The following BRPF1 variants were observed in gnomAD, a reference collection of about 807,000 sequenced individuals.
The protein encoded by BRPF1 is peregrin.
Under a neutral mutation model 115.0 loss-of-function variants are expected in BRPF1, and 15 were observed. The ratio of observed to expected loss-of-function variants is 0.13; its 90% CI spans 0.09 to 0.20. BRPF1 has a LOEUF of 0.20. Ranked by LOEUF, BRPF1 falls within the 10% of genes least tolerant of loss-of-function variation. The pLI, the probability that BRPF1 is intolerant of heterozygous loss-of-function variation, is 1.00. For synonymous variants in BRPF1, 647 were observed against 619.8 expected (o/e 1.04, Z -0.65); for missense variants, 1,118 against 1,638.3 (o/e 0.68, Z 5.48).
intron 6 of BRPF1, chr3:9,742,408 C>G: frequency 2.0e-6 from 2 of 985,382 alleles, no homozygotes; most frequent in Non-Finnish European, 2.4e-6. Flanking sequence ...CTGAGTCTGC[C>G]AAATGAATAA....
intron 6 of BRPF1, 141 bp downstream of exon 6, chr3:9,742,312 G>A (rs1411108359): frequency 2.0e-6 from 3 of 1,492,184 alleles, no homozygotes; most frequent in Non-Finnish European, 1.8e-6. Context: ...GGAGCCACAT[G>A]TATCACCTGG....
At chr3:9,737,787 G>T (rs1000135415) in intron 2 of BRPF1, among the ~76,000 whole-genome samples, 6 of 152,238 alleles carry the variant, frequency 3.9e-5, no homozygotes, top group African/African-American at 1.4e-4. Flanking sequence ...CCATGGGCCT[G>T]CTGGGGGTTG....
At chr3:9,737,704 C>T (rs1020623956) in intron 2 of BRPF1, among the ~76,000 whole-genome samples, 2 of 152,210 alleles carry the variant, frequency 1.3e-5, no homozygotes, top group African/African-American at 2.4e-5. Flanking sequence ...TACATATTTG[C>T]ACACGTCTGT....
At position 9,743,523 on chromosome 3, in the gene BRPF1, A is replaced by G. The variant is rs1575163423; in HGVS notation, c.2312-55A>G. The G allele has an allele frequency of 6.4e-7, 1 of 1,552,126 alleles. No individual in the cohort carries two copies. The highest frequency in any genetic ancestry group is 1.2e-5 in the South Asian group (1 of 82,764). ...GTTTCTTGCTGCCTGCCCAGGTTCA[A>G]GGGGCCCTGAGGGCTGCCCTGAGTC... On this transcript the variant is annotated intron_variant, in intron 7 of 13. Coordinates refer to ENST00000383829, the MANE Select transcript of BRPF1 (RefSeq NM_001003694.2). This position sits in a 1 kb window ranked among gnomAD's most constrained non-coding sequence, Gnocchi z 6.1.
chr3:9,742,604 G>A (rs558384921), intron 6 of BRPF1: 3 of 949,566 alleles, frequency 3.2e-6, no homozygotes, highest in African/African-American at 3.5e-5. Context: ...AAAAAGAGCT[G>A]TAGGAATGCA....
At position 9,743,390 on chromosome 3, in the gene BRPF1, TC is replaced by T. The variant is rs559832236; in HGVS notation, c.2311+141del. The stretch of plus-strand genomic sequence containing the variant: ...AGTGGCAAGCTATCCCCAGGAATGC[TC>T]CCCAAGAAGCCAGACTGGGTGAATG... On this transcript the variant is annotated intron_variant, in intron 7 of 13. Transcript: ENST00000383829. This position sits in a 1 kb window ranked among gnomAD's most constrained non-coding sequence, Gnocchi z 6.1. The T allele has an allele frequency of 1.9e-4, 247 of 1,302,856 alleles. 1 individual carries two copies. The African/African-American group carries it at 3.4e-3, about 18-fold the overall frequency. 80.7% of individuals were successfully genotyped at this position (1,302,856 alleles called of 1,614,324 possible).
rs951642357 is a variant in BRPF1, at chr3:9,731,973, G to T, written c.-176G>T. 9 of 152,368 alleles carry T rather than the reference G, an allele frequency of 5.9e-5. No homozygotes were observed. Among genetic ancestry groups the T allele is most frequent in the African/African-American group, 1.9e-4 (8 of 41,462 alleles). The allele number at this position is 152,368 out of a possible 1,614,324, so 9.4% of individuals were successfully genotyped here. ...CAGGGGTCAGCTCAGGAATCCCGGGGAGCCGGGACCAAAGCGTGGGGCGGC... is the reference window on the plus strand; with the variant it reads ...CAGGGGTCAGCTCAGGAATCCCGGGTAGCCGGGACCAAAGCGTGGGGCGGC... On this transcript the variant is annotated 5_prime_UTR_variant, in exon 1 of 14. Coordinates refer to ENST00000383829, the MANE Select transcript of BRPF1 (RefSeq NM_001003694.2).
intron 6 of BRPF1, 151 bp from the exon 7 acceptor site, chr3:9,742,793 T>C: frequency 1.1e-6 from 1 of 933,638 alleles, no homozygotes. Flanking sequence ...AGGACCAGAA[T>C]CCAGCTTTCC....
Position 9,743,851 on chromosome 3 carries a change from G to A in BRPF1, c.2585G>A (p.Gly862Glu), listed in dbSNP as rs1575164346. ...TPHPAACDKDGQTDSAAEESS... is the reference protein window; with the variant it reads ...TPHPAACDKDEQTDSAAEESS... ...CACCCGGCAGCCTGTGACAAGGATG[G>A]GCAGACAGATAGTGCGGCAGAGGAG... is the stretch of plus-strand genomic sequence containing the variant. The change falls in exon 8 of 14, where the codon GGG becomes GAG. Residue 862 changes from glycine to glutamate, a missense_variant. By Grantham distance (98) the Gly-to-Glu change is moderately conservative. Around this residue, in one of 10 missense-constraint regions of BRPF1, gnomAD observed 223 missense variants for 240.7 expected, o/e 0.93. Coordinates refer to ENST00000383829, the MANE Select transcript of BRPF1 (RefSeq NM_001003694.2). The surrounding 1 kb of genome is among the most constrained non-coding windows in gnomAD (Gnocchi z 6.1). The A allele has an allele frequency of 6.2e-7, 1 of 1,605,140 alleles. No individual in the cohort carries two copies. Among genetic ancestry groups the A allele is most frequent in the Non-Finnish European group, 8.5e-7 (1 of 1,173,222 alleles).
In BRPF1 at chr3:9,745,904, C is replaced by T. The variant is rs1057519513; in HGVS notation, c.3298C>T (p.Arg1100Ter). ...DALDLVWAKC[R>*]GYPSYPALII... ...TCTGGACCTCGTGTGGGCCAAATGC[C>T]GAGGCTATCCATCATACCCAGCTCT... is the stretch of plus-strand genomic sequence containing the variant. Residue 1100 changes from arginine (R) to a stop codon, truncating the protein, a stop_gained, in exon 12 of 14, where the codon CGA (arginine) becomes TGA (stop). Transcript: ENST00000383829. LOFTEE classifies it high-confidence loss of function. This position sits in a 1 kb window ranked among gnomAD's most constrained non-coding sequence, Gnocchi z 5.1. 2 of 1,613,852 alleles carry T rather than the reference C, an allele frequency of 1.2e-6. No individual in the cohort carries two copies. Among genetic ancestry groups the T allele is most frequent in the Non-Finnish European group, 8.5e-7 (1 of 1,179,882 alleles).
In BRPF1 at chr3:9,734,708, G is replaced by C; in HGVS notation, c.568G>C (p.Asp190His). The C allele has an allele frequency of 1.2e-6, 2 of 1,614,130 alleles. No individual in the cohort carries two copies. The highest frequency in any genetic ancestry group is 1.7e-6 in the Non-Finnish European group (2 of 1,180,006). Residue 190 changes from aspartate to histidine, a missense_variant, in exon 2 of 14, where the codon GAT becomes CAT. By Grantham distance (81) the Asp-to-His change is moderately conservative. Coordinates refer to ENST00000383829, the MANE Select transcript of BRPF1 (RefSeq NM_001003694.2). This position sits in a 1 kb window ranked among gnomAD's most constrained non-coding sequence, Gnocchi z 5.7. Reference protein sequence around the residue: ...VYRELEQDTPDAPPRPTSYYR... With the variant: ...VYRELEQDTPHAPPRPTSYYR... ...TCGGGAGCTGGAACAGGACACCCCT[G>C]ATGCCCCACCCCGGCCAACTTCCTA... is the stretch of plus-strand genomic sequence containing the variant.
chr3:9,746,164 T>G, intron 12 of BRPF1, 136 bp from the exon 13 acceptor site: 1 of 1,228,496 alleles, frequency 8.1e-7, no homozygotes, highest in Non-Finnish European at 1.1e-6. Context: ...GGAAAGAAGC[T>G]GAGGGTCAGC....
chr3:9,735,422 G>C (rs1356194779), intron 2 of BRPF1, among the ~76,000 whole-genome samples: 1 of 152,138 alleles, frequency 6.6e-6, no homozygotes. Flanking sequence ...TCCTGTTTCT[G>C]ATTCCTGGTC....
chr3:9,743,299 T>C lies in BRPF1; in HGVS notation c.2311+46T>C, dbSNP rs1209635594. The C allele has an allele frequency of 1.9e-6, 3 of 1,568,076 alleles. No homozygotes were observed. The highest frequency in any genetic ancestry group is 2.7e-5 in the African/African-American group (2 of 73,986). On this transcript the variant is annotated intron_variant, in intron 7 of 13. Transcript: ENST00000383829. The surrounding 1 kb of genome is among the most constrained non-coding windows in gnomAD (Gnocchi z 6.1). Reference sequence around the variant, plus strand: ...ACATATAAGAGGCCAATGCCGGGGATGGACAGCTTTCCAAAAGTCCCCTCC... The same window carrying C: ...ACATATAAGAGGCCAATGCCGGGGACGGACAGCTTTCCAAAAGTCCCCTCC...
intron 13 of BRPF1, 110 bp downstream of exon 13, chr3:9,746,564 T>A: frequency 7.6e-7 from 1 of 1,314,400 alleles, no homozygotes; most frequent in Admixed American, 2.8e-5. Context: ...CTATCACAAG[T>A]CAGTGGGGGA....
intron 3 of BRPF1, among the ~76,000 whole-genome samples, chr3:9,740,279 T>A (rs1041633821): frequency 3.9e-5 from 6 of 152,278 alleles, no homozygotes; most frequent in African/African-American, 1.4e-4. Flanking sequence ...ATGGTCTGAA[T>A]ATGAAGAAAC....
chr3:9,736,860 A>G (rs1489621133), intron 2 of BRPF1, among the ~76,000 whole-genome samples: 3 of 152,046 alleles, frequency 2.0e-5, no homozygotes, highest in South Asian at 2.1e-4. Context: ...CTTGAGGGGG[A>G]GAGAGAGGGT....
At chr3:9,742,886 G>A in intron 6 of BRPF1, 58 bp from the exon 7 acceptor site, 2 of 1,553,958 alleles carry the variant, frequency 1.3e-6, no homozygotes, top group Non-Finnish European at 1.7e-6. Context: ...TTAGGAGCAG[G>A]GTTCGGGGCA....
In BRPF1 at chr3:9,739,651, G is replaced by A. The variant is rs747223473; in HGVS notation, c.1252G>A (p.Gly418Ser). The change falls in exon 3 of 14, where the codon GGC becomes AGC. Residue 418 changes from glycine (G) to serine (S), a missense_variant. Coordinates refer to ENST00000383829, the MANE Select transcript of BRPF1 (RefSeq NM_001003694.2). ...AFHVTCAQQA[G>S]LYMKMEPVRE... is the part of the protein sequence containing the mutation. ...CCATGTGACATGCGCCCAGCAGGCTGGCCTTTACATGAAGATGGAGCCTGT... is the reference window on the plus strand; with the variant it reads ...CCATGTGACATGCGCCCAGCAGGCTAGCCTTTACATGAAGATGGAGCCTGT... 4 of 1,611,702 alleles carry A rather than the reference G, an allele frequency of 2.5e-6. No homozygotes were observed. Among genetic ancestry groups the A allele is most frequent in the African/African-American group, 1.3e-5 (1 of 74,892 alleles).
Sources: gnomAD v4.1 joint callset for allele counts (sites outside exome capture counted in the v4.1 genomes callset) on GRCh38, gnomAD v4.1.1 for gene constraint, gnomAD v4.1.1 regional missense constraint, Gnocchi (gnomAD v3.1) non-coding constraint, MANE v1.5 for transcripts, NCBI Gene and HGNC (gene_info 2026-07-23, HGNC 2026-07-21) for gene names.